The following TMTC1 variants were observed in gnomAD, a reference collection of about 807,000 sequenced individuals.
TMTC1 encodes transmembrane O-mannosyltransferase targeting cadherins 1, also known as protein O-mannosyl-transferase TMTC1.
A neutral mutation model predicts 104.8 loss-of-function variants in TMTC1; 73 were observed. The ratio of observed to expected loss-of-function variants is 0.70; its 90% confidence interval spans 0.58 to 0.85. The LOEUF is 0.85. Ranked by LOEUF, TMTC1 falls within the 40% of genes least tolerant of loss-of-function variation. The pLI is 0.00. For missense variants in TMTC1, 1,035 were observed against 1,096.1 expected (o/e 0.94, Z 0.79); for synonymous variants, 434 against 428.7 (o/e 1.01, Z -0.15).
rs73280587 is a variant in TMTC1, at chr12:29,526,265, A to G, written c.1786-5545T>C. 4.3e-3 allele frequency among the ~76,000 whole-genome samples: 660 copies of G among 152,312 alleles called. 5 individuals are homozygous for G. The highest frequency in any genetic ancestry group is 0.015 in the African/African-American group (636 of 41,570). On this transcript the variant is annotated intron_variant, in intron 11 of 17. Transcript: ENST00000539277. ...AGAACTTTTAACAATGAAAGCTTGAAGGACTTTGGAAGGACCAGGTGGCCA... is the reference window on the plus strand; with the variant it reads ...AGAACTTTTAACAATGAAAGCTTGAGGGACTTTGGAAGGACCAGGTGGCCA...
intron 6 of TMTC1, among the ~76,000 whole-genome samples, chr12:29,611,904 T>C (rs1946855162): frequency 6.6e-6 from 1 of 152,122 alleles, no homozygotes; most frequent in African/African-American, 2.4e-5. Flanking sequence ...TGCCAGACAC[T>C]TGACTTAAAT....
chr12:29,721,381 A>G (rs1006718937), intron 5 of TMTC1, among the ~76,000 whole-genome samples: 6 of 152,304 alleles, frequency 3.9e-5, no homozygotes, highest in African/African-American at 1.4e-4. Context: ...AGAAAAATGT[A>G]TCAGCCAAAC....
intron 5 of TMTC1, among the ~76,000 whole-genome samples, chr12:29,684,571 C>A (rs1022694757): frequency 6.6e-6 from 1 of 152,142 alleles, no homozygotes; most frequent in South Asian, 2.1e-4. Flanking sequence ...CTAGGGTCAT[C>A]AGGAGCTTTT....
At chr12:29,628,101 C>T (rs1253828612) in intron 6 of TMTC1, among the ~76,000 whole-genome samples, 1 of 152,252 alleles carries the variant, frequency 6.6e-6, no homozygotes, top group Non-Finnish European at 1.5e-5. Flanking sequence ...TGGACTTCAA[C>T]TGCTTCTTTG....
intron 10 of TMTC1, among the ~76,000 whole-genome samples, chr12:29,555,761 T>C (rs11834102): frequency 0.17 from 25,115 of 152,190 alleles, 2,958 homozygotes; most frequent in African/African-American, 0.33. Context: ...TCTTTGCTAT[T>C]GTGAATAGTG....
chr12:29,643,850 T>C (rs1393562498), intron 5 of TMTC1, among the ~76,000 whole-genome samples: 2 of 80,326 alleles, frequency 2.5e-5, no homozygotes, highest in African/African-American at 1.1e-4. Flanking sequence ...TATATATTTA[T>C]ATATATTTAT....
intron 5 of TMTC1, among the ~76,000 whole-genome samples, chr12:29,719,455 G>A (rs1259737346): frequency 6.6e-6 from 1 of 152,158 alleles, no homozygotes; most frequent in African/African-American, 2.4e-5. Flanking sequence ...TGAATTCAAG[G>A]TATAAAACCT....
intron 7 of TMTC1, among the ~76,000 whole-genome samples, chr12:29,601,247 C>T (rs1946557476): frequency 6.6e-6 from 1 of 152,286 alleles, no homozygotes; most frequent in East Asian, 1.9e-4. Flanking sequence ...GCAAGATGAA[C>T]CTCTTACAAT....
At chr12:29,749,682 C>T (rs1268149973) in intron 5 of TMTC1, among the ~76,000 whole-genome samples, 1 of 151,966 alleles carries the variant, frequency 6.6e-6, no homozygotes, top group African/African-American at 2.4e-5. Context: ...GAATTTCATG[C>T]ATTATTATGA....
chr12:29,727,098 A>C (rs1942413114), intron 5 of TMTC1, among the ~76,000 whole-genome samples: 1 of 152,344 alleles, frequency 6.6e-6, no homozygotes, highest in East Asian at 1.9e-4. Context: ...TAAAAACCAT[A>C]ACACACAATG....
intron 5 of TMTC1, among the ~76,000 whole-genome samples, chr12:29,699,189 A>T (rs1210945975): frequency 2.0e-5 from 3 of 152,184 alleles, no homozygotes; most frequent in Admixed American, 2.0e-4. Flanking sequence ...ATTACATAGG[A>T]GGATAGGTAA....
chr12:29,616,870 T>C (rs1946994839), intron 6 of TMTC1, among the ~76,000 whole-genome samples: 1 of 152,014 alleles, frequency 6.6e-6, no homozygotes, highest in African/African-American at 2.4e-5. Context: ...CATATCAGTG[T>C]TTATAGAGAT....
At chr12:29,517,116 A>G (rs1371101324) in intron 14 of TMTC1, among the ~76,000 whole-genome samples, 1 of 152,254 alleles carries the variant, frequency 6.6e-6, no homozygotes, top group Admixed American at 6.5e-5. Context: ...ATATACATCT[A>G]CATATGCATA....
At chr12:29,736,233 A>T (rs931408595) in intron 5 of TMTC1, among the ~76,000 whole-genome samples, 1 of 138,282 alleles carries the variant, frequency 7.2e-6, no homozygotes, top group Non-Finnish European at 1.5e-5. Context: ...CTTGAGCTCC[A>T]CCCGTAGTTT....
At chr12:29,726,269 G>C (rs1251336788) in intron 5 of TMTC1, among the ~76,000 whole-genome samples, 1 of 152,154 alleles carries the variant, frequency 6.6e-6, no homozygotes, top group Non-Finnish European at 1.5e-5. Flanking sequence ...TTCTGCCTGT[G>C]CAATGTCTCA....
chr12:29,644,143 G>GAAATACTAAACAGCCATAAAAAGGAA (rs1939154848), intron 5 of TMTC1, among the ~76,000 whole-genome samples: 1 of 99,518 alleles, frequency 1.0e-5, no homozygotes, highest in South Asian at 2.7e-4. Context: ...GTGTGTGTGT[G>GAAATACTAAACAGCCATAAAAAGGAA]TGTGTGTATA....
rs1314876553 is a variant in TMTC1, at chr12:29,783,780, C to G, written c.-29G>C. On this transcript the variant is annotated 5_prime_UTR_variant, in exon 1 of 18. Coordinates refer to ENST00000539277, the MANE Select transcript of TMTC1 (RefSeq NM_001193451.2). The surrounding 1 kb of genome is among the most constrained non-coding windows in gnomAD (Gnocchi z 4.7). ...GCCGCCGCCGCCGCTGCTGCCCTGGCCTCTCCCGGGCGTCTGGCATCCTCC... is the reference window on the plus strand; with the variant it reads ...GCCGCCGCCGCCGCTGCTGCCCTGGGCTCTCCCGGGCGTCTGGCATCCTCC... 8.8e-7 allele frequency: 1 copy of G among 1,134,056 alleles called. No homozygotes were observed. The highest frequency in any genetic ancestry group is 1.6e-5 in the African/African-American group (1 of 61,054). The allele number at this position is 1,134,056 out of a possible 1,614,324, so 70.2% of individuals were successfully genotyped here.
intron 5 of TMTC1, among the ~76,000 whole-genome samples, chr12:29,727,225 A>G (rs986655382): frequency 1.3e-5 from 2 of 152,242 alleles, no homozygotes; most frequent in Non-Finnish European, 2.9e-5. Context: ...TTGTGGTCCC[A>G]GACTGATTTT....
intron 1 of TMTC1, among the ~76,000 whole-genome samples, chr12:29,770,508 C>T (rs533940722): frequency 2.6e-5 from 4 of 152,260 alleles, no homozygotes; most frequent in Admixed American, 6.5e-5. Context: ...AGAAAAAACA[C>T]GCTTGCACAA....
Sources: allele counts gnomAD v4.1 joint callset (sites outside exome capture counted in the v4.1 genomes callset), GRCh38; gene constraint gnomAD v4.1.1; non-coding constraint Gnocchi (gnomAD v3.1); transcripts MANE v1.5; gene names NCBI Gene and HGNC (gene_info 2026-07-23, HGNC 2026-07-21).